CMIP: variants seen among roughly 807,000 people sequenced by gnomAD.
The protein encoded by CMIP is c-Maf inducing protein, also known as C-Maf-inducing protein.
Under a neutral mutation model 97.3 loss-of-function variants are expected in CMIP, and 13 were observed. That is an observed-to-expected ratio of 0.13 (90% confidence interval 0.09 to 0.21). CMIP has a LOEUF of 0.21. Among genes scored for constraint, CMIP ranks in the 10% least tolerant of loss-of-function variants. The pLI is 1.00. For synonymous variants in CMIP, 538 were observed against 436.3 expected (o/e 1.23, Z -2.91); for missense variants, 847 against 1,024.9 (o/e 0.83, Z 2.37).
At chr16:81,617,539 G>C (rs902807896) in intron 2 of CMIP, 2 of 152,404 alleles carry the variant, frequency 1.3e-5, no homozygotes, top group Non-Finnish European at 2.9e-5. Flanking sequence ...CCCCAGATGG[G>C]AAGGGCTGGG....
intron 3 of CMIP, among the ~76,000 whole-genome samples, chr16:81,638,607 C>T (rs1036469650): frequency 2.0e-5 from 3 of 152,104 alleles, no homozygotes; most frequent in East Asian, 1.9e-4. Flanking sequence ...CCTCTCCCCC[C>T]TCTCCCTTCT....
Position 81,685,341 on chromosome 16 carries a change from GC to G in CMIP, c.1389-6433del, listed in dbSNP as rs576621986. ...AGGCCACAGTCTCCCACTGGACTGAGCACCTGGGAGTACAGGCCACGCTCAC... is the reference window on the plus strand; with the variant it reads ...AGGCCACAGTCTCCCACTGGACTGAGACCTGGGAGTACAGGCCACGCTCAC... On this transcript the variant is annotated intron_variant, in intron 10 of 20. Transcript: ENST00000537098. Among the ~76,000 whole-genome samples, 26 of 152,284 alleles carry G rather than the reference GC, an allele frequency of 1.7e-4. No individual in the cohort carries two copies. The South Asian group carries it at 5.2e-3, about 30-fold the overall frequency.
At chr16:81,623,706 C>T (rs1452871516) in intron 3 of CMIP, among the ~76,000 whole-genome samples, 1 of 152,166 alleles carries the variant, frequency 6.6e-6, no homozygotes, top group Non-Finnish European at 1.5e-5. Context: ...TTGGAGGTAC[C>T]GCCAGCTAGC....
chr16:81,473,016 TAG>T (rs980739483), intron 1 of CMIP, among the ~76,000 whole-genome samples: 2 of 152,162 alleles, frequency 1.3e-5, no homozygotes, highest in Admixed American at 6.5e-5. Flanking sequence ...CAAGCTTACA[TAG>T]ATCCCATCTC....
At chr16:81,546,066 A>G (rs1272754974) in intron 1 of CMIP, among the ~76,000 whole-genome samples, 1 of 152,210 alleles carries the variant, frequency 6.6e-6, no homozygotes, top group East Asian at 1.9e-4. Flanking sequence ...CACAGCCAGC[A>G]GTCGAGGATG....
chr16:81,502,585 C>T (rs931888621), intron 1 of CMIP, among the ~76,000 whole-genome samples: 1 of 152,178 alleles, frequency 6.6e-6, no homozygotes, highest in South Asian at 2.1e-4. Context: ...GATGGCTGGG[C>T]GAGGATGGGG....
At chr16:81,638,172 T>C (rs1377252084) in intron 3 of CMIP, among the ~76,000 whole-genome samples, 1 of 152,236 alleles carries the variant, frequency 6.6e-6, no homozygotes, top group Admixed American at 6.5e-5. Context: ...CTCCTTTGTA[T>C]ACTTCCTGGG....
chr16:81,504,641 C>CAAAAAAAAAAA (rs149715666), intron 1 of CMIP, among the ~76,000 whole-genome samples: 23 of 71,928 alleles, frequency 3.2e-4, no homozygotes, highest in African/African-American at 7.4e-4. Flanking sequence ...AGACTCGTCT[C>CAAAAAAAAAAA]AAAAAAAAAA....
intron 1 of CMIP, among the ~76,000 whole-genome samples, chr16:81,512,366 C>T (rs2089831070): frequency 6.6e-6 from 1 of 152,130 alleles, no homozygotes; most frequent in South Asian, 2.1e-4. Flanking sequence ...CCATCACCAC[C>T]CCCATCACCT....
At chr16:81,628,077 C>G (rs2092099340) in intron 3 of CMIP, among the ~76,000 whole-genome samples, 1 of 152,158 alleles carries the variant, frequency 6.6e-6, no homozygotes, top group Non-Finnish European at 1.5e-5. Context: ...GATGCCTCCC[C>G]TGACCCCTCA....
chr16:81,660,836 C>G (rs530112424), intron 5 of CMIP, 48 bp from the exon 6 acceptor site: 2 of 1,609,136 alleles, frequency 1.2e-6, no homozygotes, highest in Admixed American at 1.7e-5. Flanking sequence ...GAAGTCTTTC[C>G]GTGGCTATCT....
rs560491688 is a variant in CMIP, at chr16:81,609,700, A to G, written c.426+2008A>G. On this transcript the variant is annotated intron_variant, in intron 2 of 20. Transcript: ENST00000537098. ...CATTTGAACTGGGTGTAGAGGGATG[A>G]GTAGAAGTGTGCCAGAATGGTGGGG... 5.3e-5 allele frequency among the ~76,000 whole-genome samples: 8 copies of G among 152,288 alleles called. No homozygotes were observed. In the East Asian group the frequency reaches 1.4e-3, roughly 26 times the overall value.
chr16:81,630,832 G>A (rs2092146814), intron 3 of CMIP: 1 of 152,316 alleles, frequency 6.6e-6, no homozygotes, highest in Non-Finnish European at 1.5e-5. Context: ...GTGAAAGGAG[G>A]GGCTTTCCCC....
intron 3 of CMIP, among the ~76,000 whole-genome samples, chr16:81,626,141 A>C (rs1003505738): frequency 1.3e-5 from 2 of 152,260 alleles, no homozygotes; most frequent in Non-Finnish European, 2.9e-5. Flanking sequence ...ATCCAGGCCC[A>C]GGCCTCTGTC....
intron 1 of CMIP, among the ~76,000 whole-genome samples, chr16:81,507,928 C>G (rs1240677297): frequency 2.6e-5 from 4 of 152,216 alleles, no homozygotes; most frequent in South Asian, 2.1e-4. Flanking sequence ...TGGAGCTGGA[C>G]TGATCCGGTG....
chr16:81,462,554 G>A (rs1906959154), intron 1 of CMIP, among the ~76,000 whole-genome samples: 2 of 152,156 alleles, frequency 1.3e-5, no homozygotes, highest in South Asian at 4.1e-4. Flanking sequence ...TTTATTCAGA[G>A]TTTTGCTCCT....
intron 10 of CMIP, among the ~76,000 whole-genome samples, chr16:81,685,017 G>A (rs80132847): frequency 3.3e-5 from 5 of 152,340 alleles, no homozygotes; most frequent in African/African-American, 7.2e-5. Flanking sequence ...GCCGAGGCCC[G>A]TCACAGAGAG....
chr16:81,560,276 T>A lies in CMIP; in HGVS notation c.301-47291T>A, dbSNP rs575150845. Among the ~76,000 whole-genome samples, 1,135 of 151,646 alleles carry A rather than the reference T, an allele frequency of 7.5e-3. 20 individuals are homozygous for A. Among genetic ancestry groups the A allele is most frequent in the African/African-American group, 0.025 (1,053 of 41,372 alleles). On this transcript the variant is annotated intron_variant, in intron 1 of 20. Transcript: ENST00000537098. Reference sequence around the variant, plus strand: ...CTCCGTCGCCCAGGCTGGAGTGCAGTGGCGCAATCTCGGCTCGCTGCAAGC... The same window carrying A: ...CTCCGTCGCCCAGGCTGGAGTGCAGAGGCGCAATCTCGGCTCGCTGCAAGC...
intron 1 of CMIP, among the ~76,000 whole-genome samples, 157 bp from the exon 2 acceptor site, chr16:81,607,410 G>A (rs575764292): frequency 6.6e-6 from 1 of 152,356 alleles, no homozygotes; most frequent in South Asian, 2.1e-4. Flanking sequence ...GCCAGAAACA[G>A]GGAGGCTTGC....
Sources: gnomAD v4.1 joint callset for allele counts (sites outside exome capture counted in the v4.1 genomes callset) on GRCh38, gnomAD v4.1.1 for gene constraint, MANE v1.5 for transcripts, NCBI Gene and HGNC (gene_info 2026-07-23, HGNC 2026-07-21) for gene names.